UNC79: variants seen among roughly 807,000 people sequenced by gnomAD.
The protein encoded by UNC79 is unc-79 subunit of NALCN channel complex, also known as protein unc-79 homolog.
Under a neutral mutation model 283.1 loss-of-function variants are expected in UNC79, and 37 were observed. The ratio of observed to expected loss-of-function variants is 0.13; its 90% CI spans 0.10 to 0.17. The LOEUF is 0.17. Among genes scored for constraint, UNC79 ranks in the 10% least tolerant of loss-of-function variants. UNC79 has a pLI of 1.00. For missense variants in UNC79, 2,272 were observed against 3,211.1 expected (o/e 0.71, Z 7.07); for synonymous variants, 1,107 against 1,200.2 (o/e 0.92, Z 1.61).
intron 14 of UNC79, among the ~76,000 whole-genome samples, chr14:93,564,397 A>G (rs1230632485): frequency 6.6e-6 from 1 of 152,238 alleles, no homozygotes; most frequent in Non-Finnish European, 1.5e-5. Flanking sequence ...TCAGTTGGAC[A>G]TGATCGGCAG....
intron 2 of UNC79, among the ~76,000 whole-genome samples, chr14:93,473,766 A>G (rs2057649820): frequency 6.6e-6 from 1 of 152,214 alleles, no homozygotes; most frequent in Admixed American, 6.5e-5. Context: ...TTTTTCTCCC[A>G]GGAAACCTCT....
intron 25 of UNC79, among the ~76,000 whole-genome samples, chr14:93,602,079 T>C (rs2065548717): frequency 6.6e-6 from 1 of 152,224 alleles, no homozygotes; most frequent in South Asian, 2.1e-4. Context: ...GATTATTTTG[T>C]TTGCTGTGCA....
chr14:93,673,405 C>T (rs1371916622), exon 41 of UNC79: 1 of 1,613,422 alleles, frequency 6.2e-7, no homozygotes, highest in East Asian at 2.2e-5. Context: ...TCTGCAGGCC[C>T]TAAAGCTCAA....
At chr14:93,646,761 G>T (rs1262848661) in intron 35 of UNC79, 115 bp downstream of exon 38, 36 of 1,160,808 alleles carry the variant, frequency 3.1e-5, no homozygotes, top group Non-Finnish European at 4.1e-5. Flanking sequence ...TGTAATCTCA[G>T]CACTTTGGGA....
chr14:93,347,208 CG>C, intron 1 of UNC79: 1 of 1,511,036 alleles, frequency 6.6e-7, no homozygotes, highest in African/African-American at 1.4e-5. Flanking sequence ...CTGGAGCTTG[CG>C]TTACTTGGCC....
chr14:93,430,799 T>G lies in UNC79; in HGVS notation c.-231T>G. ...GACGGACAGGAAGCCTTTGGCCGCC[T>G]ATTAAATCCCACCCATTTCTCCGGG... is the stretch of plus-strand genomic sequence containing the variant. On this transcript the variant is annotated 5_prime_UTR_variant, in exon 1 of 49. Coordinates refer to ENST00000555664, the Ensembl canonical transcript of UNC79. This position sits in a 1 kb window ranked among gnomAD's most constrained non-coding sequence, Gnocchi z 4.6. 2 of 465,584 alleles carry G rather than the reference T, an allele frequency of 4.3e-6. No homozygotes were observed. Among genetic ancestry groups the G allele is most frequent in the Non-Finnish European group, 7.9e-6 (2 of 252,126 alleles). The allele number at this position is 465,584 out of a possible 1,614,324, so 28.8% of individuals were successfully genotyped here. A position where few individuals can be genotyped will look rare whatever the true frequency, so the allele number is the denominator to read the frequency against.
chr14:93,496,036 C>T (rs758530725), intron 5 of UNC79, among the ~76,000 whole-genome samples: 2 of 152,128 alleles, frequency 1.3e-5, no homozygotes, highest in Admixed American at 6.5e-5. Context: ...GCTCTTTCTA[C>T]GGTATCTAGC....
At chr14:93,661,943 T>A (rs1418682433) in intron 39 of UNC79, among the ~76,000 whole-genome samples, 1 of 152,190 alleles carries the variant, frequency 6.6e-6, no homozygotes, top group East Asian at 1.9e-4. Context: ...AGGATAGTTA[T>A]GAGAAATTTG....
At position 93,662,909 on chromosome 14, in the gene UNC79, C is replaced by T. The variant is rs555613696; in HGVS notation, c.6636+195C>T. Among the ~76,000 whole-genome samples the T allele has an allele frequency of 2.0e-5, 3 of 152,114 alleles. No homozygotes were observed. In the South Asian group the frequency reaches 6.2e-4, roughly 32 times the overall value. On this transcript the variant is annotated intron_variant, in intron 40 of 48. Transcript: ENST00000555664. ...ACACACACACACACACACACAAACA[C>T]ACATACAATGTCTAAAATATGCACA...
intron 1 of UNC79, among the ~76,000 whole-genome samples, chr14:93,463,645 A>G (rs1384844897): frequency 6.6e-6 from 1 of 152,186 alleles, no homozygotes; most frequent in Admixed American, 6.5e-5. Context: ...GACATCTACT[A>G]TTTAATATAT....
chr14:93,559,309 A>G (rs570352138), intron 14 of UNC79, among the ~76,000 whole-genome samples: 3 of 152,250 alleles, frequency 2.0e-5, no homozygotes, highest in Non-Finnish European at 4.4e-5. Flanking sequence ...TGGCCGCTTC[A>G]ACGGCCAAGA....
At chr14:93,540,352 T>C (rs749971196) in intron 12 of UNC79, among the ~76,000 whole-genome samples, 2 of 152,358 alleles carry the variant, frequency 1.3e-5, no homozygotes, top group South Asian at 2.1e-4. Flanking sequence ...AGTGGGATGG[T>C]TGGTGAACCA....
intron 14 of UNC79, among the ~76,000 whole-genome samples, chr14:93,547,255 A>G (rs2061643916): frequency 6.6e-6 from 1 of 152,234 alleles, no homozygotes; most frequent in Non-Finnish European, 1.5e-5. Context: ...ACATTTACCT[A>G]TACAAATGTA....
intron 47 of UNC79, among the ~76,000 whole-genome samples, chr14:93,697,226 C>G (rs1390019358): frequency 6.6e-6 from 1 of 152,124 alleles, no homozygotes; most frequent in African/African-American, 2.4e-5. Flanking sequence ...ACCTCCATCT[C>G]CCAGGTCCAA....
chr14:93,694,551 C>A (rs2074950377), intron 47 of UNC79, 139 bp downstream of exon 50: 10 of 773,180 alleles, frequency 1.3e-5, no homozygotes, highest in East Asian at 1.1e-4. Context: ...CTATAACAAC[C>A]CTTTACCAAA....
intron 19 of UNC79, 69 bp downstream of exon 19, chr14:93,580,445 G>C (rs1295715518): frequency 4.2e-6 from 6 of 1,434,990 alleles, no homozygotes; most frequent in Non-Finnish European, 4.8e-6. Flanking sequence ...TGATGTAATG[G>C]AGTCTTCCTC....
chr14:93,569,789 T>A (rs1209035978), intron 14 of UNC79, among the ~76,000 whole-genome samples: 1 of 152,214 alleles, frequency 6.6e-6, no homozygotes, highest in Non-Finnish European at 1.5e-5. Context: ...CATTTTCCAG[T>A]GTCCTGGCAT....
chr14:93,482,198 C>A (rs1373511195), intron 4 of UNC79, among the ~76,000 whole-genome samples: 1 of 152,138 alleles, frequency 6.6e-6, no homozygotes, highest in East Asian at 1.9e-4. Context: ...ATTTCATCAT[C>A]TTAAATATTG....
chr14:93,521,253 C>A (rs1024970473), intron 7 of UNC79, among the ~76,000 whole-genome samples: 1 of 152,018 alleles, frequency 6.6e-6, no homozygotes, highest in Non-Finnish European at 1.5e-5. Flanking sequence ...CAGCCCTGTA[C>A]AAGCTCTAGG....
Sources: allele counts gnomAD v4.1 joint callset (sites outside exome capture counted in the v4.1 genomes callset), GRCh38; gene constraint gnomAD v4.1.1; non-coding constraint Gnocchi (gnomAD v3.1); transcripts MANE v1.5; gene names NCBI Gene and HGNC (gene_info 2026-07-23, HGNC 2026-07-21).